MID2: variants seen among roughly 807,000 people sequenced by gnomAD.
The protein encoded by MID2 is probable E3 ubiquitin-protein ligase MID2.
In MID2, 13 loss-of-function variants were observed where a neutral mutation model predicts 46.1. The ratio of observed to expected loss-of-function variants is 0.28; its 90% confidence interval spans 0.18 to 0.45. MID2 has a LOEUF of 0.45. Ranked by LOEUF, MID2 falls within the 20% of genes least tolerant of loss-of-function variation. MID2 has a pLI of 1.00. For synonymous variants in MID2, 199 were observed against 212.3 expected, an observed-to-expected ratio of 0.94 and a Z score of 0.55; for missense variants, 431 against 575.4, an observed-to-expected ratio of 0.75 and a Z score of 2.57.
chrX:107,829,615 C>T (rs756399716), intron 1 of MID2, among the ~76,000 whole-genome samples: 9 of 112,103 alleles, frequency 8.0e-5, no homozygotes, highest in Non-Finnish European at 1.7e-4. Context: ...GTGCAGAGGA[C>T]CTCTGCTGAT....
At chrX:107,920,922 A>G (rs939291621) in intron 7 of MID2, among the ~76,000 whole-genome samples, 1 of 112,039 alleles carries the variant, frequency 8.9e-6, no homozygotes, top group African/African-American at 3.2e-5. Context: ...TCTTCAGTGT[A>G]TATTTCCTAA....
chrX:107,902,272 A>G (rs1005400388), intron 3 of MID2, among the ~76,000 whole-genome samples: 1 of 112,256 alleles, frequency 8.9e-6, no homozygotes, highest in Admixed American at 9.4e-5. Flanking sequence ...TCCGAGGATT[A>G]CATTTTAAGA....
intron 1 of MID2, among the ~76,000 whole-genome samples, chrX:107,837,159 A>T (rs1447773132): frequency 8.9e-6 from 1 of 112,348 alleles, no homozygotes; most frequent in African/African-American, 3.2e-5. Flanking sequence ...ATGAGGTTCA[A>T]GTGTCACACT....
At chrX:107,919,093 C>G (rs1569471614) in intron 7 of MID2, among the ~76,000 whole-genome samples, 1 of 110,293 alleles carries the variant, frequency 9.1e-6, no homozygotes, top group Non-Finnish European at 1.9e-5. Context: ...ACAAAACAAC[C>G]CATTTGATTG....
chrX:107,832,632 G>A (rs1931115368), intron 1 of MID2, among the ~76,000 whole-genome samples: 1 of 111,367 alleles, frequency 9.0e-6, no homozygotes, highest in African/African-American at 3.3e-5. Flanking sequence ...CGGCTAATTT[G>A]GTTTAGATCC....
intron 2 of MID2, among the ~76,000 whole-genome samples, chrX:107,845,646 A>G (rs1023512977): frequency 9.1e-6 from 1 of 109,666 alleles, no homozygotes; most frequent in Non-Finnish European, 1.9e-5. Context: ...GAACGCCACA[A>G]TGAGAGTTAA....
chrX:107,858,377 A>G (rs1931788980), intron 3 of MID2, among the ~76,000 whole-genome samples: 1 of 112,189 alleles, frequency 8.9e-6, no homozygotes, highest in Admixed American at 9.4e-5. Context: ...TACATTTCCA[A>G]AGGAAACCTC....
In MID2 at chrX:107,928,962, A is replaced by G. The variant is rs1012377792; in HGVS notation, c.*1889A>G. Among the ~76,000 whole-genome samples the G allele has an allele frequency of 8.9e-6, 1 of 112,158 alleles. No individual in the cohort carries two copies. The highest frequency in any genetic ancestry group is 3.2e-5 in the African/African-American group (1 of 30,922). On this transcript the variant is annotated 3_prime_UTR_variant, in exon 10 of 10. Transcript: ENST00000262843. The stretch of plus-strand genomic sequence containing the variant: ...AATAGTTTGCTGTAGTGGAAAGCTC[A>G]TAACCTTTGGATTCAAATGATCCTA...
intron 3 of MID2, among the ~76,000 whole-genome samples, chrX:107,867,383 G>T (rs1266648537): frequency 9.4e-6 from 1 of 106,602 alleles, no homozygotes; most frequent in African/African-American, 3.4e-5. Context: ...GGATGGTCTC[G>T]ATCTCCTGAC....
intron 3 of MID2, among the ~76,000 whole-genome samples, chrX:107,887,840 G>T (rs963150236): frequency 9.0e-6 from 1 of 111,618 alleles, no homozygotes; most frequent in Non-Finnish European, 1.9e-5. Flanking sequence ...ACTTCTTCCT[G>T]GTTTAGTCTT....
chrX:107,882,397 T>C (rs1332934827), intron 3 of MID2, among the ~76,000 whole-genome samples: 3 of 111,318 alleles, frequency 2.7e-5, no homozygotes, highest in African/African-American at 9.8e-5. Context: ...GCAAAAGAAA[T>C]TACCATCAGG....
intron 3 of MID2, among the ~76,000 whole-genome samples, chrX:107,894,157 C>T (rs1932662920): frequency 9.0e-6 from 1 of 111,717 alleles, no homozygotes; most frequent in African/African-American, 3.2e-5. Flanking sequence ...TTTGTCTCCC[C>T]ACCAGACTAA....
At chrX:107,887,085 T>C (rs1932470107) in intron 3 of MID2, among the ~76,000 whole-genome samples, 1 of 111,656 alleles carries the variant, frequency 9.0e-6, no homozygotes, top group African/African-American at 3.3e-5. Context: ...ACAATTTGAC[T>C]TCCTCTTTTC....
intron 3 of MID2, among the ~76,000 whole-genome samples, chrX:107,886,969 AT>A (rs1352277474): frequency 8.9e-6 from 1 of 111,994 alleles, no homozygotes; most frequent in East Asian, 2.8e-4. Context: ...TTGCACATTG[AT>A]TTTGTATCCT....
chrX:107,861,052 G>T (rs1022796044), intron 3 of MID2, among the ~76,000 whole-genome samples: 10 of 111,451 alleles, frequency 9.0e-5, no homozygotes, highest in African/African-American at 3.3e-4. Context: ...CCATTGTGAG[G>T]ATGACTTGTA....
chrX:107,928,326 C>T lies in MID2; in HGVS notation c.*1253C>T, dbSNP rs1039205292. ...ACAGTATTCATTCTCTTAGCCAATCCCTCCACGCAAATGGAGACAAACTTC... is the reference window on the plus strand; with the variant it reads ...ACAGTATTCATTCTCTTAGCCAATCTCTCCACGCAAATGGAGACAAACTTC... On this transcript the variant is annotated 3_prime_UTR_variant, in exon 10 of 10. Coordinates refer to ENST00000262843, the MANE Select transcript of MID2 (RefSeq NM_012216.4). Among the ~76,000 whole-genome samples, 1 of 111,457 alleles carries T rather than the reference C, an allele frequency of 9.0e-6. No individual in the cohort carries two copies. The highest frequency in any genetic ancestry group is 1.9e-5 in the Non-Finnish European group (1 of 53,007).
intron 3 of MID2, among the ~76,000 whole-genome samples, chrX:107,884,526 A>G (rs1183243666): frequency 8.9e-6 from 1 of 112,515 alleles, no homozygotes; most frequent in Non-Finnish European, 1.9e-5. Context: ...GCAGGAATGC[A>G]GATTCAGGCC....
intron 3 of MID2, among the ~76,000 whole-genome samples, chrX:107,882,131 G>T (rs1257900520): frequency 8.9e-6 from 1 of 112,084 alleles, no homozygotes; most frequent in Non-Finnish European, 1.9e-5. Context: ...AACAAATGGT[G>T]CTGGGAAACT....
At chrX:107,903,445 C>T (rs751734333) in intron 3 of MID2, among the ~76,000 whole-genome samples, 153 of 110,520 alleles carry the variant, frequency 1.4e-3, no homozygotes, top group African/African-American at 4.4e-3. Context: ...CACTAAAACA[C>T]GACAACTATC....
Sources: gnomAD v4.1 joint callset for allele counts (sites outside exome capture counted in the v4.1 genomes callset) on GRCh38, gnomAD v4.1.1 for gene constraint, MANE v1.5 for transcripts, NCBI Gene and HGNC (gene_info 2026-07-23, HGNC 2026-07-21) for gene names.